Variants in SLC35F3 observed in about 807,000 individuals in gnomAD.
SLC35F3 encodes the protein solute carrier family 35 member F3, also known as putative thiamine transporter SLC35F3.
SLC35F3 carries 25 observed loss-of-function variants against 49.9 expected under a neutral mutation model. The observed-to-expected ratio is 0.50, with a 90% CI of 0.37 to 0.70. The LOEUF (loss-of-function observed/expected upper bound fraction) is 0.70. SLC35F3 is among the 30% of genes least tolerant of loss of function. SLC35F3 has a pLI of 0.00. For missense variants in SLC35F3, 525 were observed against 639.8 expected (o/e 0.82, Z 1.94); for synonymous variants, 275 against 265.4 (o/e 1.04, Z -0.35).
intron 2 of SLC35F3, among the ~76,000 whole-genome samples, chr1:234,110,271 TAAA>T (rs1005902288): frequency 2.0e-5 from 3 of 151,782 alleles, no homozygotes; most frequent in African/African-American, 4.8e-5. Flanking sequence ...GTTGTGGAAA[TAAA>T]AAAAGGGGAT....
intron 2 of SLC35F3, among the ~76,000 whole-genome samples, chr1:234,075,567 C>T (rs532334260): frequency 5.9e-5 from 9 of 152,130 alleles, no homozygotes; most frequent in East Asian, 1.9e-4. Flanking sequence ...CAAATCATTC[C>T]GCACTGAGAA....
intron 2 of SLC35F3, among the ~76,000 whole-genome samples, chr1:234,123,516 C>G (rs1665605230): frequency 6.6e-6 from 1 of 152,080 alleles, no homozygotes; most frequent in Middle Eastern, 3.2e-3. Flanking sequence ...CTTAAGTGAT[C>G]CTCCCACTTC....
chr1:234,038,963 A>G (rs973099517), intron 2 of SLC35F3, among the ~76,000 whole-genome samples: 1 of 152,210 alleles, frequency 6.6e-6, no homozygotes, highest in Non-Finnish European at 1.5e-5. Flanking sequence ...AGAAGGAGCA[A>G]GCTGTGAGGA....
At chr1:233,963,725 G>A (rs577092431) in intron 2 of SLC35F3, among the ~76,000 whole-genome samples, 21 of 152,364 alleles carry the variant, frequency 1.4e-4, no homozygotes, top group African/African-American at 3.8e-4. Flanking sequence ...CCTCTCAGAT[G>A]TGGGGGAGGT....
At chr1:234,063,946 C>A (rs1173873034) in intron 2 of SLC35F3, among the ~76,000 whole-genome samples, 1 of 152,204 alleles carries the variant, frequency 6.6e-6, no homozygotes, top group African/African-American at 2.4e-5. Context: ...CATGTGGGAT[C>A]TGAGGGTCCA....
chr1:233,966,781 A>G (rs1662912677), intron 2 of SLC35F3, among the ~76,000 whole-genome samples: 1 of 152,206 alleles, frequency 6.6e-6, no homozygotes, highest in African/African-American at 2.4e-5. Context: ...TCAAATACAG[A>G]TTTATGGGGG....
intron 2 of SLC35F3, among the ~76,000 whole-genome samples, chr1:234,113,023 T>G (rs917701383): frequency 6.6e-6 from 1 of 151,496 alleles, no homozygotes; most frequent in Non-Finnish European, 1.5e-5. Flanking sequence ...AGCCCAGGAG[T>G]TCGAGACCAG....
At chr1:234,141,358 G>A (rs1665911362) in intron 2 of SLC35F3, among the ~76,000 whole-genome samples, 1 of 152,112 alleles carries the variant, frequency 6.6e-6, no homozygotes, top group Non-Finnish European at 1.5e-5. Context: ...GTCCTGCATG[G>A]TGAACAACTC....
At chr1:234,071,850 C>T (rs924192887) in intron 2 of SLC35F3, among the ~76,000 whole-genome samples, 1 of 152,184 alleles carries the variant, frequency 6.6e-6, no homozygotes, top group Non-Finnish European at 1.5e-5. Context: ...AAATTGTTGG[C>T]TAGTTGTTGA....
intron 3 of SLC35F3, among the ~76,000 whole-genome samples, chr1:234,236,925 T>TTATATA (rs55846915): frequency 0.022 from 2,140 of 95,752 alleles, 124 homozygotes; most frequent in East Asian, 0.052. Flanking sequence ...AAAAAAAAAA[T>TTATATA]TATATATATA....
At chr1:233,916,658 A>G (rs1296473711) in intron 2 of SLC35F3, among the ~76,000 whole-genome samples, 2 of 152,382 alleles carry the variant, frequency 1.3e-5, no homozygotes, top group South Asian at 2.1e-4. Flanking sequence ...GTACTGGTGT[A>G]TAAGAAAATG....
intron 2 of SLC35F3, among the ~76,000 whole-genome samples, chr1:234,208,790 TA>T (rs1179396013): frequency 6.6e-6 from 1 of 152,144 alleles, no homozygotes; most frequent in Admixed American, 6.5e-5. Context: ...TCACTCTTCA[TA>T]AGTCTGCCAT....
At chr1:233,989,685 ACT>A (rs1358743096) in intron 2 of SLC35F3, among the ~76,000 whole-genome samples, 1 of 152,176 alleles carries the variant, frequency 6.6e-6, no homozygotes, top group Non-Finnish European at 1.5e-5. Context: ...TCATACCTAA[ACT>A]CTTTTTCAGA....
In SLC35F3 at chr1:234,320,147, G is replaced by C; in HGVS notation, c.1197G>C (p.Leu399=). The change falls in exon 7 of 8, where the codon CTG becomes CTC. Residue 399 remains leucine, a synonymous_variant. Transcript: ENST00000366618. The surrounding 1 kb of genome is among the most constrained non-coding windows in gnomAD (Gnocchi z 4.8). ...GAATTGCCGTTACATATCCCACTCT[G>C]ATGTCTCTTGGAATCGTCCTCAGCA... ...NFGIAVTYPT[L]MSLGIVLSIP... The C allele has an allele frequency of 6.2e-7, 1 of 1,613,972 alleles. No individual in the cohort carries two copies. Among genetic ancestry groups the C allele is most frequent in the Non-Finnish European group, 8.5e-7 (1 of 1,179,910 alleles).
chr1:233,975,459 C>T (rs1367065823), intron 2 of SLC35F3, among the ~76,000 whole-genome samples: 5 of 152,236 alleles, frequency 3.3e-5, no homozygotes, highest in East Asian at 1.9e-4. Flanking sequence ...GTGTCAATCA[C>T]GGCCCCGTGA....
At chr1:234,014,252 A>G (rs548650377) in intron 2 of SLC35F3, among the ~76,000 whole-genome samples, 1 of 152,340 alleles carries the variant, frequency 6.6e-6, no homozygotes, top group Admixed American at 6.5e-5. Flanking sequence ...TGATCATCTC[A>G]TTAGATGCAG....
chr1:234,040,856 A>T (rs4244368), intron 2 of SLC35F3, among the ~76,000 whole-genome samples: 113,731 of 152,132 alleles, frequency 0.75, 43,704 homozygotes, highest in African/African-American at 0.92. Context: ...TCAAAAGAAA[A>T]CATGTCTGGG....
At chr1:234,157,554 A>T (rs577461727) in intron 2 of SLC35F3, among the ~76,000 whole-genome samples, 80 of 152,358 alleles carry the variant, frequency 5.3e-4, no homozygotes, top group Middle Eastern at 6.8e-3. Context: ...CGCAATTCTG[A>T]AAACACAGTG....
At chr1:233,964,698 T>G (rs1662872364) in intron 2 of SLC35F3, among the ~76,000 whole-genome samples, 1 of 151,882 alleles carries the variant, frequency 6.6e-6, no homozygotes, top group Non-Finnish European at 1.5e-5. Context: ...GACAAAGGAG[T>G]GACAGCAGAG....
Sources: allele counts gnomAD v4.1 joint callset (sites outside exome capture counted in the v4.1 genomes callset), GRCh38; gene constraint gnomAD v4.1.1; non-coding constraint Gnocchi (gnomAD v3.1); transcripts MANE v1.5; gene names NCBI Gene and HGNC (gene_info 2026-07-23, HGNC 2026-07-21).